The following HSD17B12 variants were observed in gnomAD, a reference collection of about 807,000 sequenced individuals.
HSD17B12 encodes the protein very-long-chain 3-oxoacyl-CoA reductase.
A neutral mutation model predicts 39.3 loss-of-function variants in HSD17B12; 32 were observed. That is an observed-to-expected ratio of 0.81 (90% CI 0.61 to 1.09). The LOEUF is 1.09. Ranked by LOEUF, HSD17B12 falls within the 50% of genes least tolerant of loss-of-function variation. The probability of loss-of-function intolerance (pLI) is 0.00; values close to 1 mark genes in which losing one functional copy is unlikely to be tolerated. For synonymous variants in HSD17B12, 150 were observed against 146.7 expected, an observed-to-expected ratio of 1.02 and a Z score of -0.16; for missense variants, 342 against 382.9, an observed-to-expected ratio of 0.89 and a Z score of 0.89.
chr11:43,843,940 C>G (rs1009035514), intron 9 of HSD17B12, among the ~76,000 whole-genome samples: 1 of 152,066 alleles, frequency 6.6e-6, no homozygotes, highest in Non-Finnish European at 1.5e-5. Context: ...AACGGGAGAC[C>G]CACCTTTTCC....
chr11:43,796,154 TCA>T (rs1263747168), intron 3 of HSD17B12, among the ~76,000 whole-genome samples: 1 of 152,142 alleles, frequency 6.6e-6, no homozygotes, highest in African/African-American at 2.4e-5. Context: ...GCCAATAAAC[TCA>T]CACCGTTTAT....
the HSD17B12 span, among the ~76,000 whole-genome samples, chr11:43,577,241 G>T: frequency 6.6e-6 from 1 of 152,258 alleles, no homozygotes; most frequent in Non-Finnish European, 1.5e-5. Context: ...GCCAGCTGCG[G>T]TTAGCCCCGC....
intron 9 of HSD17B12, among the ~76,000 whole-genome samples, chr11:43,847,198 C>T (rs560954600): frequency 1.4e-4 from 22 of 152,156 alleles, no homozygotes; most frequent in African/African-American, 5.3e-4. Context: ...CCTGGGAGGC[C>T]GGGTCTCTGG....
chr11:43,814,528 A>T (rs1951103012), intron 4 of HSD17B12, among the ~76,000 whole-genome samples: 1 of 152,076 alleles, frequency 6.6e-6, no homozygotes, highest in Non-Finnish European at 1.5e-5. Context: ...GCTGGGGAAA[A>T]CCATAGGATA....
chr11:43,816,021 C>T (rs1590323622), intron 5 of HSD17B12, among the ~76,000 whole-genome samples: 1 of 152,120 alleles, frequency 6.6e-6, no homozygotes, highest in African/African-American at 2.4e-5. Context: ...ATCCTAGGTT[C>T]AGTAATTTCT....
chr11:43,580,552 G>A, the HSD17B12 span, among the ~76,000 whole-genome samples: 6 of 152,070 alleles, frequency 3.9e-5, no homozygotes, highest in African/African-American at 1.4e-4. Flanking sequence ...TCTAGAAATA[G>A]GATGACTAGT....
chr11:43,802,225 A>T (rs1345181182), intron 4 of HSD17B12, among the ~76,000 whole-genome samples: 1 of 151,960 alleles, frequency 6.6e-6, no homozygotes, highest in African/African-American at 2.4e-5. Flanking sequence ...TGACCTCATG[A>T]TCTGCCCGCC....
chr11:43,809,499 T>C lies in HSD17B12; in HGVS notation c.392-5938T>C, dbSNP rs995103107. Among the ~76,000 whole-genome samples, 9 of 152,302 alleles carry C rather than the reference T, an allele frequency of 5.9e-5. No homozygotes were observed. In the South Asian group the frequency reaches 1.5e-3, roughly 25 times the overall value. ...TAAAAATTCAGTTTATTTTGAAATA[T>C]AGTGAGGTAGCAGCATTTTTTAAAA... On this transcript the variant is annotated intron_variant, in intron 4 of 10. Coordinates refer to ENST00000278353, the MANE Select transcript of HSD17B12 (RefSeq NM_016142.3).
intron 2 of HSD17B12, among the ~76,000 whole-genome samples, chr11:43,751,229 TG>T (rs1198427821): frequency 2.6e-5 from 4 of 152,228 alleles, no homozygotes; most frequent in Admixed American, 2.6e-4. Flanking sequence ...TTTTATTTTA[TG>T]TCATGTAAGT....
At chr11:43,775,833 C>T (rs944310566) in intron 3 of HSD17B12, among the ~76,000 whole-genome samples, 7 of 149,522 alleles carry the variant, frequency 4.7e-5, no homozygotes, top group African/African-American at 1.7e-4. Flanking sequence ...TGTTCAATTC[C>T]CACCTATGAG....
At chr11:43,819,258 C>G (rs1951158964) in intron 6 of HSD17B12, among the ~76,000 whole-genome samples, 1 of 152,130 alleles carries the variant, frequency 6.6e-6, no homozygotes, top group South Asian at 2.1e-4. Flanking sequence ...TTTGTATACT[C>G]TTATGGTGTA....
the HSD17B12 span, among the ~76,000 whole-genome samples, chr11:43,601,904 G>T: frequency 6.6e-6 from 1 of 152,208 alleles, no homozygotes; most frequent in Admixed American, 6.5e-5. Flanking sequence ...CTTTTGAAGA[G>T]TCAGGGAGCA....
the HSD17B12 span, among the ~76,000 whole-genome samples, chr11:43,613,479 G>A: frequency 6.6e-6 from 1 of 151,858 alleles, no homozygotes; most frequent in East Asian, 1.9e-4. Flanking sequence ...TCTGACTTAT[G>A]CTTAAAAACA....
intron 4 of HSD17B12, among the ~76,000 whole-genome samples, chr11:43,811,558 T>G (rs1313559862): frequency 6.6e-6 from 1 of 152,210 alleles, no homozygotes; most frequent in Admixed American, 6.5e-5. Context: ...ACTAAAGTTC[T>G]CAGTGTTGAA....
the HSD17B12 span, among the ~76,000 whole-genome samples, chr11:43,622,993 A>G: frequency 6.6e-6 from 1 of 152,160 alleles, no homozygotes; most frequent in Non-Finnish European, 1.5e-5. Context: ...AATGATTAAC[A>G]GGTCCCATTT....
chr11:43,693,556 C>A (rs1020488228), intron 1 of HSD17B12, among the ~76,000 whole-genome samples: 1 of 152,188 alleles, frequency 6.6e-6, no homozygotes, highest in Non-Finnish European at 1.5e-5. Context: ...GATCCAATAT[C>A]TCCTACCCAG....
At chr11:43,610,438 AG>A in the HSD17B12 span, among the ~76,000 whole-genome samples, 8 of 152,204 alleles carry the variant, frequency 5.3e-5, no homozygotes, top group Non-Finnish European at 1.0e-4. Context: ...CTAGCTTAGT[AG>A]GAGTCTTGGT....
chr11:43,773,038 G>A (rs1950664811), intron 3 of HSD17B12, among the ~76,000 whole-genome samples: 1 of 152,130 alleles, frequency 6.6e-6, no homozygotes, highest in Admixed American at 6.5e-5. Context: ...TTGAACGTGA[G>A]AGGTGGAGGT....
At chr11:43,681,158 G>A (rs370792255) in intron 1 of HSD17B12, 171 bp downstream of exon 1, 1 of 1,408,976 alleles carries the variant, frequency 7.1e-7, no homozygotes, top group Non-Finnish European at 9.2e-7. Flanking sequence ...TCTTCTGCTT[G>A]CTTAGACTAC....
Sources: allele counts gnomAD v4.1 joint callset (sites outside exome capture counted in the v4.1 genomes callset), GRCh38; gene constraint gnomAD v4.1.1; transcripts MANE v1.5; gene names NCBI Gene and HGNC (gene_info 2026-07-23, HGNC 2026-07-21).